Variants in FAM222B observed in about 807,000 individuals in gnomAD.
FAM222B encodes the protein family with sequence similarity 222 member B, also known as protein FAM222B.
FAM222B carries 12 observed loss-of-function variants against 38.0 expected under a neutral mutation model. That is an observed-to-expected ratio of 0.32 (90% CI 0.20 to 0.51). The LOEUF is 0.51. Among genes scored for constraint, FAM222B ranks in the 20% least tolerant of loss-of-function variants. The pLI is 0.97. For synonymous variants in FAM222B, 329 were observed against 317.2 expected, an observed-to-expected ratio of 1.04 and a Z score of -0.40; for missense variants, 716 against 754.2, an observed-to-expected ratio of 0.95 and a Z score of 0.59.
intron 1 of FAM222B, among the ~76,000 whole-genome samples, chr17:28,778,697 G>GTATATATATATA (rs1204895077): frequency 2.2e-5 from 1 of 45,344 alleles, no homozygotes; most frequent in African/African-American, 1.3e-4. Context: ...GTGTGTGTGT[G>GTATATATATATA]TATATATATA....
chr17:28,770,057 C>A (rs2035548707), intron 1 of FAM222B, among the ~76,000 whole-genome samples: 1 of 152,124 alleles, frequency 6.6e-6, no homozygotes, highest in Non-Finnish European at 1.5e-5. Flanking sequence ...CACAATTAAC[C>A]CCAGGCACGT....
chr17:28,765,723 G>A (rs990571316), intron 2 of FAM222B, among the ~76,000 whole-genome samples: 1 of 152,168 alleles, frequency 6.6e-6, no homozygotes, highest in Non-Finnish European at 1.5e-5. Flanking sequence ...CCCAATTCCA[G>A]AAAGTTAAGA....
intron 1 of FAM222B, among the ~76,000 whole-genome samples, chr17:28,819,556 C>T (rs1332513396): frequency 6.6e-6 from 1 of 151,932 alleles, no homozygotes; most frequent in Non-Finnish European, 1.5e-5. Context: ...AGATGTCAAG[C>T]ATAAGTAATA....
intron 1 of FAM222B, among the ~76,000 whole-genome samples, chr17:28,798,810 G>A (rs2037067948): frequency 6.6e-6 from 1 of 151,272 alleles, no homozygotes; most frequent in African/African-American, 2.4e-5. Flanking sequence ...GTAGAGACAG[G>A]GTTTCACCGT....
At position 28,766,621 on chromosome 17, in the gene FAM222B, A is replaced by T. The variant is rs1474497849; in HGVS notation, c.47T>A (p.Leu16His). 3 of 1,606,470 alleles carry T rather than the reference A, an allele frequency of 1.9e-6. No individual in the cohort carries two copies. In the South Asian group the frequency reaches 3.4e-5, roughly 18 times the overall value. ...PGPGDLSFQL[L>H]SHTQMNTGLQ... Reference sequence around the variant, plus strand: ...TCCAGTGTTCATCTGCGTGTGAGAAAGAAGCTGAAAGGACAGGTCACCTGG... The same window carrying T: ...TCCAGTGTTCATCTGCGTGTGAGAATGAAGCTGAAAGGACAGGTCACCTGG... The change falls in exon 2 of 3, where the codon CTT becomes CAT. Residue 16 changes from leucine to histidine, a missense_variant. By Grantham distance (99) the Leu-to-His change is moderately conservative (BLOSUM62 -3). Coordinates refer to ENST00000581407, the MANE Select transcript of FAM222B (RefSeq NM_001077498.3).
In FAM222B at chr17:28,757,514, G is replaced by A. The variant is rs79940701; in HGVS notation, c.*756C>T. ...TGTGGGGAGGTGAGTTAGGGGACAGGCAACAGTGAGAAAGGGATCTTGGGT... is the reference window on the plus strand; with the variant it reads ...TGTGGGGAGGTGAGTTAGGGGACAGACAACAGTGAGAAAGGGATCTTGGGT... On this transcript the variant is annotated 3_prime_UTR_variant, in exon 3 of 3. Coordinates refer to ENST00000581407, the MANE Select transcript of FAM222B (RefSeq NM_001077498.3). 6.6e-6 allele frequency: 1 copy of A among 152,070 alleles called. No individual in the cohort carries two copies. Among genetic ancestry groups the A allele is most frequent in the African/African-American group, 2.4e-5 (1 of 41,370 alleles). 9.4% of individuals were successfully genotyped at this position (152,070 alleles called of 1,614,324 possible). A position where few individuals can be genotyped will look rare whatever the true frequency, so the allele number is the denominator to read the frequency against.
chr17:28,781,314 A>G (rs2036158530), intron 1 of FAM222B, among the ~76,000 whole-genome samples: 2 of 152,068 alleles, frequency 1.3e-5, no homozygotes, highest in Non-Finnish European at 2.9e-5. Context: ...ACAAAAAACC[A>G]AAAACAAACA....
chr17:28,765,439 T>A (rs1380793086), intron 2 of FAM222B, among the ~76,000 whole-genome samples: 1 of 152,174 alleles, frequency 6.6e-6, no homozygotes, highest in Non-Finnish European at 1.5e-5. Context: ...CTTAAATTAT[T>A]GGCTATCTGG....
At position 28,757,984 on chromosome 17, in the gene FAM222B, G is replaced by T; in HGVS notation, c.*286C>A. On this transcript the variant is annotated 3_prime_UTR_variant, in exon 3 of 3. Coordinates refer to ENST00000581407, the MANE Select transcript of FAM222B (RefSeq NM_001077498.3). ...GGAAGAGATTCAAGAAAAGATGGGT[G>T]GGAGCTGGCTGGAAATGGCCAAGGT... is the stretch of plus-strand genomic sequence containing the variant. 3.1e-6 allele frequency: 1 copy of T among 321,126 alleles called. No individual in the cohort carries two copies. The highest frequency in any genetic ancestry group is 5.6e-5 in the East Asian group (1 of 17,734). 19.9% of individuals were successfully genotyped at this position (321,126 alleles called of 1,614,324 possible).
Position 28,785,737 on chromosome 17 carries a change from G to A in FAM222B, c.-40-19030C>T, listed in dbSNP as rs190526011. Among the ~76,000 whole-genome samples the A allele has an allele frequency of 5.5e-5, 8 of 144,776 alleles. No individual in the cohort carries two copies. The East Asian group carries it at 1.2e-3, about 22-fold the overall frequency. 95.0% of individuals were successfully genotyped at this position (144,776 alleles called of 152,430 possible). On this transcript the variant is annotated intron_variant, in intron 1 of 2. Coordinates refer to ENST00000581407, the MANE Select transcript of FAM222B (RefSeq NM_001077498.3). The stretch of plus-strand genomic sequence containing the variant: ...TTTTTTGAGACAAAGTTTCACTCTT[G>A]TAGCCTAGGCTGGAGTGCAATGACG...
intron 1 of FAM222B, among the ~76,000 whole-genome samples, chr17:28,832,895 GCACAGTGGCT>G (rs2038713319): frequency 6.6e-6 from 1 of 151,606 alleles, no homozygotes; most frequent in Non-Finnish European, 1.5e-5. Context: ...GAAAGGCTGG[GCACAGTGGCT>G]CACACCTAAA....
intron 1 of FAM222B, among the ~76,000 whole-genome samples, chr17:28,784,480 A>C (rs2036303623): frequency 8.3e-6 from 1 of 120,444 alleles, no homozygotes; most frequent in Admixed American, 1.0e-4. Flanking sequence ...ACAGAGTAAG[A>C]TCCCCTCTCT....
chr17:28,800,087 C>T (rs1357138343), intron 1 of FAM222B, among the ~76,000 whole-genome samples: 2 of 151,608 alleles, frequency 1.3e-5, no homozygotes, highest in African/African-American at 4.9e-5. Context: ...GCTGGAGTGC[C>T]ATGGCACGAT....
At chr17:28,787,361 C>A (rs2036461959) in intron 1 of FAM222B, among the ~76,000 whole-genome samples, 1 of 152,194 alleles carries the variant, frequency 6.6e-6, no homozygotes, top group South Asian at 2.1e-4. Flanking sequence ...TCTCCTCCCC[C>A]AGCCTGAGTA....
chr17:28,851,744 G>C (rs914918608), intron 1 of FAM222B, among the ~76,000 whole-genome samples: 1 of 151,250 alleles, frequency 6.6e-6, no homozygotes, highest in Non-Finnish European at 1.5e-5. Flanking sequence ...GTGTGGTGGC[G>C]GGCACCTGTA....
At chr17:28,769,279 C>T (rs1038916867) in intron 1 of FAM222B, among the ~76,000 whole-genome samples, 2 of 148,418 alleles carry the variant, frequency 1.3e-5, no homozygotes, top group Admixed American at 6.9e-5. Context: ...CCCGGGTTCA[C>T]GCCATTCTCC....
chr17:28,764,271 C>CAAA (rs35314377), intron 2 of FAM222B, among the ~76,000 whole-genome samples: 40 of 43,690 alleles, frequency 9.2e-4, no homozygotes, highest in Admixed American at 3.1e-3. Flanking sequence ...GACTCCATCT[C>CAAA]AAAAAAAAAA....
In FAM222B at chr17:28,758,501, G is replaced by C. The variant is rs1457736076; in HGVS notation, c.1458C>G (p.Asp486Glu). Residue 486 changes from aspartate to glutamate, a missense_variant, in exon 3 of 3, where the codon GAC becomes GAG. Coordinates refer to ENST00000581407, the MANE Select transcript of FAM222B (RefSeq NM_001077498.3). ...AGTGGGCCCCGGGAGCTGCCGCACA[G>C]TCGAGGGGTGCACCTGTGGGCTGCC... ...HGGQPTGAPLDCAAAPGAHYR... is the reference protein window; with the variant it reads ...HGGQPTGAPLECAAAPGAHYR... The C allele has an allele frequency of 6.2e-7, 1 of 1,612,506 alleles. No individual in the cohort carries two copies.
At position 28,759,194 on chromosome 17, in the gene FAM222B, GGCC is replaced by G; in HGVS notation, c.762_764del (p.Ala255del). ...CCGGAGGCTGGCTGTGCTGCAGAGT[GGCC>G]GCCATTGAAAGGGGGATAGTTGAGG... is the stretch of plus-strand genomic sequence containing the variant. On this transcript the variant is annotated inframe_deletion, in exon 3 of 3. Transcript: ENST00000581407. The surrounding 1 kb of genome is among the most constrained non-coding windows in gnomAD (Gnocchi z 4.8). The G allele has an allele frequency of 3.1e-6, 5 of 1,613,536 alleles. No homozygotes were observed. The highest frequency in any genetic ancestry group is 4.2e-6 in the Non-Finnish European group (5 of 1,179,730).
Sources: allele counts gnomAD v4.1 joint callset (sites outside exome capture counted in the v4.1 genomes callset), GRCh38; gene constraint gnomAD v4.1.1; non-coding constraint Gnocchi (gnomAD v3.1); transcripts MANE v1.5; gene names NCBI Gene and HGNC (gene_info 2026-07-23, HGNC 2026-07-21).